Variants in CTNNA2 observed in about 807,000 individuals in gnomAD.
CTNNA2 encodes the protein catenin alpha 2, also known as catenin alpha-2.
Under a neutral mutation model 101.0 loss-of-function variants are expected in CTNNA2, and 42 were observed. That is an observed-to-expected ratio of 0.42 (90% CI 0.32 to 0.54). The LOEUF is 0.54. CTNNA2 is among the 20% of genes least tolerant of loss of function. The pLI, the probability that CTNNA2 is intolerant of heterozygous loss-of-function variation, is 0.14. For missense variants in CTNNA2, 871 were observed against 1,223.1 expected (o/e 0.71, Z 4.29); for synonymous variants, 450 against 456.4 (o/e 0.99, Z 0.18).
At chr2:79,458,285 A>C (rs1181403126) in intron 4 of CTNNA2, among the ~76,000 whole-genome samples, 2 of 152,196 alleles carry the variant, frequency 1.3e-5, no homozygotes, top group African/African-American at 4.8e-5. Flanking sequence ...GTATCATTTT[A>C]TTTCTTATAA....
At chr2:79,843,996 T>A (rs1680018624) in intron 3 of CTNNA2, among the ~76,000 whole-genome samples, 1 of 152,248 alleles carries the variant, frequency 6.6e-6, no homozygotes. Context: ...TGTGGGAAGT[T>A]AAATTGTACT....
chr2:80,451,723 A>T (rs541780712), intron 9 of CTNNA2, among the ~76,000 whole-genome samples: 5 of 152,268 alleles, frequency 3.3e-5, no homozygotes, highest in African/African-American at 1.2e-4. Context: ...ATTTTATTTA[A>T]TTTTGGGGGG....
At chr2:80,208,650 G>A (rs566912205) in intron 7 of CTNNA2, among the ~76,000 whole-genome samples, 20 of 152,196 alleles carry the variant, frequency 1.3e-4, no homozygotes, top group African/African-American at 3.6e-4. Flanking sequence ...CTGAGACCTC[G>A]CGTACCATCC....
At chr2:80,276,542 G>A (rs1237740262) in intron 7 of CTNNA2, among the ~76,000 whole-genome samples, 1 of 152,126 alleles carries the variant, frequency 6.6e-6, no homozygotes, top group Non-Finnish European at 1.5e-5. Flanking sequence ...GAAGCATGGT[G>A]CCAGCACCTG....
chr2:80,244,274 G>T (rs904127426), intron 7 of CTNNA2, among the ~76,000 whole-genome samples: 2 of 152,188 alleles, frequency 1.3e-5, no homozygotes, highest in Non-Finnish European at 1.5e-5. Context: ...CATGTTATTT[G>T]TAGATTGACT....
At chr2:79,422,234 C>CT (rs367819357) in intron 4 of CTNNA2, among the ~76,000 whole-genome samples, 198 of 147,562 alleles carry the variant, frequency 1.3e-3, no homozygotes, top group African/African-American at 2.9e-3. Flanking sequence ...ATGGTAGAAT[C>CT]TTTTTTTTTT....
chr2:79,883,047 C>T (rs1340234810), intron 6 of CTNNA2, among the ~76,000 whole-genome samples: 2 of 152,160 alleles, frequency 1.3e-5, no homozygotes, highest in African/African-American at 2.4e-5. Context: ...GAACCTGATA[C>T]TTTGGTTGCG....
chr2:80,030,995 T>G (rs1298167233), intron 7 of CTNNA2, among the ~76,000 whole-genome samples: 5 of 152,212 alleles, frequency 3.3e-5, no homozygotes, highest in African/African-American at 4.8e-5. Context: ...AAACAGCTAA[T>G]TTCATGATAG....
At chr2:79,825,460 C>T (rs1007543404) in intron 3 of CTNNA2, among the ~76,000 whole-genome samples, 3 of 149,614 alleles carry the variant, frequency 2.0e-5, no homozygotes, top group South Asian at 4.2e-4. Flanking sequence ...ATGGAGGTTG[C>T]GAGGGGAAAA....
intron 6 of CTNNA2, among the ~76,000 whole-genome samples, chr2:79,877,721 C>T (rs1200027455): frequency 6.6e-6 from 1 of 152,090 alleles, no homozygotes; most frequent in Non-Finnish European, 1.5e-5. Context: ...TGGTATAATA[C>T]CTTTCTCATA....
At chr2:80,529,476 A>G (rs1006976694) in intron 9 of CTNNA2, among the ~76,000 whole-genome samples, 3 of 152,192 alleles carry the variant, frequency 2.0e-5, no homozygotes, top group African/African-American at 7.2e-5. Context: ...AATAATTGCA[A>G]TTATTGCTTA....
chr2:80,488,109 G>A (rs1049888174), intron 9 of CTNNA2, among the ~76,000 whole-genome samples: 8 of 152,090 alleles, frequency 5.3e-5, no homozygotes, highest in East Asian at 1.9e-4. Context: ...TCGAGTTTCC[G>A]AATAAAAATA....
At chr2:80,522,247 A>G (rs974028790) in intron 9 of CTNNA2, among the ~76,000 whole-genome samples, 6 of 152,190 alleles carry the variant, frequency 3.9e-5, no homozygotes, top group African/African-American at 2.4e-5. Context: ...TGTGAGCCTC[A>G]GCTGTTCTCA....
chr2:80,192,400 A>C (rs1706564194), intron 7 of CTNNA2, among the ~76,000 whole-genome samples: 1 of 152,162 alleles, frequency 6.6e-6, no homozygotes, highest in African/African-American at 2.4e-5. Context: ...ATGATGATTT[A>C]ACTCCTTTCT....
intron 4 of CTNNA2, among the ~76,000 whole-genome samples, chr2:79,424,937 T>A (rs1008566862): frequency 6.6e-6 from 1 of 152,144 alleles, no homozygotes; most frequent in East Asian, 1.9e-4. Context: ...AAATGTGAAC[T>A]GTATAAATGC....
chr2:80,313,738 A>G, intron 7 of CTNNA2: 1 of 990,018 alleles, frequency 1.0e-6, no homozygotes. Context: ...GATTTCCAAA[A>G]TGTGAGTACA....
At chr2:79,252,541 T>C (rs560926377) in intron 2 of CTNNA2, among the ~76,000 whole-genome samples, 3 of 152,156 alleles carry the variant, frequency 2.0e-5, no homozygotes, top group Non-Finnish European at 4.4e-5. Flanking sequence ...GATTTTTCCC[T>C]TCACTTAGCC....
At chr2:80,094,834 T>A (rs28874320) in intron 7 of CTNNA2, among the ~76,000 whole-genome samples, 6 of 152,074 alleles carry the variant, frequency 3.9e-5, no homozygotes, top group Non-Finnish European at 8.8e-5. Flanking sequence ...TAAGAATGCT[T>A]GTGATTTTTG....
At chr2:80,464,874 C>T (rs1169351112) in intron 9 of CTNNA2, among the ~76,000 whole-genome samples, 1 of 152,126 alleles carries the variant, frequency 6.6e-6, no homozygotes, top group Non-Finnish European at 1.5e-5. Context: ...GTTCAGCGGG[C>T]TAGTAAGTGG....
Sources: allele counts gnomAD v4.1 joint callset (sites outside exome capture counted in the v4.1 genomes callset), GRCh38; gene constraint gnomAD v4.1.1; transcripts MANE v1.5; gene names NCBI Gene and HGNC (gene_info 2026-07-23, HGNC 2026-07-21).